The following R3HDM1 variants were observed in gnomAD, a reference collection of about 807,000 sequenced individuals.
R3HDM1 encodes R3H domain-containing protein 1.
In R3HDM1, 46 loss-of-function variants were observed where a neutral mutation model predicts 141.1. The observed-to-expected ratio is 0.33, with a 90% CI of 0.26 to 0.42. R3HDM1 has a LOEUF of 0.42. Among genes scored for constraint, R3HDM1 ranks in the 10% least tolerant of loss-of-function variants. The pLI is 1.00. For missense variants in R3HDM1, 1,184 were observed against 1,368.3 expected (o/e 0.87, Z 2.12); for synonymous variants, 435 against 472.9 (o/e 0.92, Z 1.04).
At chr2:135,668,458 A>G (rs978042117) in intron 19 of R3HDM1, among the ~76,000 whole-genome samples, 1 of 152,226 alleles carries the variant, frequency 6.6e-6, no homozygotes, top group African/African-American at 2.4e-5. Flanking sequence ...AAAAACATTC[A>G]TATTCCTGTC....
intron 23 of R3HDM1, among the ~76,000 whole-genome samples, chr2:135,714,305 CA>C (rs2075956027): frequency 1.3e-5 from 2 of 152,136 alleles, no homozygotes; most frequent in African/African-American, 4.8e-5. Context: ...AAATATATAA[CA>C]TGAACTTTTT....
At chr2:135,597,023 A>C (rs1180424678) in intron 1 of R3HDM1, 1 of 984,296 alleles carries the variant, frequency 1.0e-6, no homozygotes. Context: ...TGTCTTCCCC[A>C]TTTCTCCACT....
At chr2:135,636,280 T>C (rs560278048) in intron 11 of R3HDM1, 97 bp downstream of exon 11, 1 of 1,471,094 alleles carries the variant, frequency 6.8e-7, no homozygotes, top group African/African-American at 1.4e-5. Flanking sequence ...CATTTATTTT[T>C]AATCACATTT....
intron 1 of R3HDM1, chr2:135,565,814 T>C (rs562321197): frequency 6.5e-6 from 1 of 152,826 alleles, no homozygotes; most frequent in East Asian, 1.9e-4. Flanking sequence ...CAACACCAGG[T>C]CATGGGGGCG....
intron 9 of R3HDM1, among the ~76,000 whole-genome samples, chr2:135,634,958 A>G (rs1345601783): frequency 1.3e-5 from 2 of 152,232 alleles, no homozygotes; most frequent in African/African-American, 2.4e-5. Context: ...ATATAATTGT[A>G]ATTTTCCAAG....
intron 3 of R3HDM1, among the ~76,000 whole-genome samples, chr2:135,610,826 G>A (rs926180136): frequency 6.6e-6 from 1 of 152,106 alleles, no homozygotes; most frequent in African/African-American, 2.4e-5. Flanking sequence ...TTAAAAGCAT[G>A]TATGTGGCAA....
At chr2:135,695,879 G>A (rs1016526607) in intron 21 of R3HDM1, among the ~76,000 whole-genome samples, 1 of 152,206 alleles carries the variant, frequency 6.6e-6, no homozygotes, top group Admixed American at 6.5e-5. Flanking sequence ...ATGGAAATTG[G>A]TGGTACACAA....
intron 3 of R3HDM1, among the ~76,000 whole-genome samples, chr2:135,611,160 G>A (rs991632640): frequency 6.6e-6 from 1 of 151,262 alleles, no homozygotes; most frequent in Non-Finnish European, 1.5e-5. Flanking sequence ...GGTGGTTCAC[G>A]CCTGTAATCC....
intron 1 of R3HDM1, chr2:135,566,685 T>C (rs1233141730): frequency 1.3e-5 from 12 of 936,582 alleles, no homozygotes; most frequent in African/African-American, 1.2e-4. Flanking sequence ...GAAGGCTGTT[T>C]GGTGAGCAAG....
intron 1 of R3HDM1, among the ~76,000 whole-genome samples, chr2:135,567,765 C>T (rs1201067510): frequency 1.3e-5 from 2 of 151,730 alleles, no homozygotes; most frequent in East Asian, 3.9e-4. Context: ...TTAGAGATAA[C>T]GTCTCACTCT....
intron 18 of R3HDM1, among the ~76,000 whole-genome samples, chr2:135,654,863 A>AGTGTGTGT (rs60593262): frequency 2.6e-4 from 35 of 136,706 alleles, no homozygotes; most frequent in African/African-American, 6.8e-4. Flanking sequence ...GTGTATATAA[A>AGTGTGTGT]GTGTGTGTGT....
intron 21 of R3HDM1, among the ~76,000 whole-genome samples, chr2:135,697,292 ACAAT>A (rs1309853983): frequency 1.3e-5 from 2 of 152,246 alleles, no homozygotes; most frequent in Admixed American, 1.3e-4. Context: ...ACTACAGCCC[ACAAT>A]CAAAGAATGG....
At chr2:135,707,160 A>T (rs1273256747) in intron 21 of R3HDM1, among the ~76,000 whole-genome samples, 1 of 152,234 alleles carries the variant, frequency 6.6e-6, no homozygotes, top group Non-Finnish European at 1.5e-5. Flanking sequence ...TAGGATATCA[A>T]CTTTGAATGA....
intron 1 of R3HDM1, among the ~76,000 whole-genome samples, chr2:135,578,678 G>C (rs553011455): frequency 6.6e-6 from 1 of 152,174 alleles, no homozygotes; most frequent in Non-Finnish European, 1.5e-5. Flanking sequence ...ACAGTATTTT[G>C]ATTAGGCATT....
intron 1 of R3HDM1, among the ~76,000 whole-genome samples, chr2:135,575,838 T>C (rs1036739376): frequency 6.6e-6 from 1 of 152,230 alleles, no homozygotes; most frequent in Non-Finnish European, 1.5e-5. Flanking sequence ...AATTAATGCA[T>C]TCACAGTAAA....
chr2:135,576,322 T>C lies in R3HDM1; in HGVS notation c.-249-26178T>C, dbSNP rs114541638. The stretch of plus-strand genomic sequence containing the variant: ...CATCCAAGACAGCAGTGTGCCATGA[T>C]AGTGCCACTGCACTCCAGCCTGGGT... On this transcript the variant is annotated intron_variant, in intron 1 of 26. Coordinates refer to ENST00000683871, the MANE Select transcript of R3HDM1 (RefSeq NM_001378107.1). Among the ~76,000 whole-genome samples the C allele has an allele frequency of 6.0e-3, 918 of 151,928 alleles. 11 individuals are homozygous for C. Among genetic ancestry groups the C allele is most frequent in the African/African-American group, 0.021 (871 of 41,440 alleles).
intron 11 of R3HDM1, among the ~76,000 whole-genome samples, chr2:135,636,389 T>C (rs539041225): frequency 1.3e-3 from 197 of 152,298 alleles, no homozygotes; most frequent in South Asian, 2.9e-3. Flanking sequence ...TATAAAATTT[T>C]ACAAAAGTTG....
At chr2:135,675,093 T>C (rs1213427515) in intron 19 of R3HDM1, among the ~76,000 whole-genome samples, 1 of 152,196 alleles carries the variant, frequency 6.6e-6, no homozygotes, top group Non-Finnish European at 1.5e-5. Context: ...TGTGTGACCC[T>C]ATAATCTTTG....
intron 1 of R3HDM1, chr2:135,596,953 A>G: frequency 3.3e-6 from 3 of 911,744 alleles, no homozygotes; most frequent in Non-Finnish European, 3.9e-6. Context: ...GTGGGATTTA[A>G]AATTCATTTG....
Sources: allele counts gnomAD v4.1 joint callset (sites outside exome capture counted in the v4.1 genomes callset), GRCh38; gene constraint gnomAD v4.1.1; transcripts MANE v1.5; gene names NCBI Gene and HGNC (gene_info 2026-07-23, HGNC 2026-07-21).